TRMT6: variants seen among roughly 807,000 people sequenced by gnomAD.
TRMT6 encodes the protein tRNA (adenine(58)-N(1))-methyltransferase non-catalytic subunit TRM6.
Under a neutral mutation model 59.0 loss-of-function variants are expected in TRMT6, and 34 were observed. The observed-to-expected ratio is 0.58, with a 90% confidence interval of 0.44 to 0.77. The LOEUF (loss-of-function observed/expected upper bound fraction) is 0.77. TRMT6 is among the 30% of genes least tolerant of loss of function. The probability of loss-of-function intolerance (pLI) is 0.00; values close to 1 mark genes in which losing one functional copy is unlikely to be tolerated. For missense variants in TRMT6, 575 were observed against 604.5 expected, an observed-to-expected ratio of 0.95 and a Z score of 0.51; for synonymous variants, 217 against 210.5, an observed-to-expected ratio of 1.03 and a Z score of -0.27.
intron 2 of TRMT6, 37 bp from the exon 3 acceptor site, chr20:5,944,951 T>G (rs1218071279): frequency 6.7e-7 from 1 of 1,494,710 alleles, no homozygotes; most frequent in Non-Finnish European, 9.3e-7. Context: ...ATTTATGGTC[T>G]GAAATTATTT....
intron 1 of TRMT6, among the ~76,000 whole-genome samples, chr20:5,949,644 C>T (rs762728228): frequency 4.6e-5 from 7 of 152,172 alleles, no homozygotes; most frequent in Non-Finnish European, 8.8e-5. Flanking sequence ...AAAGTGATTC[C>T]ACACTCTGTG....
Position 5,938,294 on chromosome 20 carries a change from C to T in TRMT6, c.*241G>A, listed in dbSNP as rs2088624634. ...TATTTGCACAGAATATTTAGAAGTA[C>T]TTAGAGGAGTTTTGTTAAATGCAGT... On this transcript the variant is annotated 3_prime_UTR_variant, in exon 11 of 11. Coordinates refer to ENST00000203001, the MANE Select transcript of TRMT6 (RefSeq NM_015939.5). 2.4e-6 allele frequency: 1 copy of T among 417,294 alleles called. No individual in the cohort carries two copies. The highest frequency in any genetic ancestry group is 7.1e-5 in the South Asian group (1 of 14,104). The allele number at this position is 417,294 out of a possible 1,614,324, so 25.8% of individuals were successfully genotyped here. A position where few individuals can be genotyped will look rare whatever the true frequency, so the allele number is the denominator to read the frequency against.
rs966561517 is a variant in TRMT6, at chr20:5,938,123, G to A, written c.*412C>T. ...ACACATCCATATTGCTTAGGTTGAA[G>A]AGAACGGAATGAACAGAGGAAATTT... On this transcript the variant is annotated 3_prime_UTR_variant, in exon 11 of 11. Transcript: ENST00000203001. 1.3e-5 allele frequency: 2 copies of A among 155,962 alleles called. No individual in the cohort carries two copies. The highest frequency in any genetic ancestry group is 2.8e-5 in the Non-Finnish European group (2 of 70,558). The allele number at this position is 155,962 out of a possible 1,614,324, so 9.7% of individuals were successfully genotyped here. A position where few individuals can be genotyped will look rare whatever the true frequency, so the allele number is the denominator to read the frequency against.
chr20:5,944,169 T>C lies in TRMT6; in HGVS notation c.451A>G (p.Lys151Glu), dbSNP rs778629378. 2.5e-5 allele frequency: 37 copies of C among 1,504,088 alleles called. No homozygotes were observed. The highest frequency in any genetic ancestry group is 3.1e-5 in the Non-Finnish European group (35 of 1,115,288). 93.2% of individuals were successfully genotyped at this position (1,504,088 alleles called of 1,614,324 possible). ...FAQDKYIKKK[K>E]KKYEAIITVV... ...AAAATAAAAACTACTTACTTTTTTT[T>C]CTTCTTTTTAATATATTTATCTTGG... The change falls in exon 4 of 11, where the codon AAA becomes GAA. Residue 151 changes from lysine (K) to glutamate (E), a missense_variant. Lys to Glu is a moderately conservative substitution (Grantham distance 56). Coordinates refer to ENST00000203001, the MANE Select transcript of TRMT6 (RefSeq NM_015939.5).
rs1057432131 is a variant in TRMT6 at position 5,938,535 on chromosome 20, T to C, written c.1494A>G (p.Ter498=). ...AAATTCAGAGCAATTCTCAAAAGGG[T>C]TAAGAGTCAGACTCTGGGCATTTTC... ...KKRKCPESDS[*] The change falls in exon 11 of 11, where the codon TAA becomes TAG. Residue 498 remains the stop codon, a stop_retained_variant. Coordinates refer to ENST00000203001, the MANE Select transcript of TRMT6 (RefSeq NM_015939.5). The C allele has an allele frequency of 1.2e-6, 2 of 1,613,108 alleles. No homozygotes were observed. Among genetic ancestry groups the C allele is most frequent in the Admixed American group, 1.7e-5 (1 of 59,834 alleles).
intron 1 of TRMT6, 81 bp downstream of exon 1, chr20:5,950,197 G>A (rs773856524): frequency 3.5e-5 from 51 of 1,442,102 alleles, no homozygotes; most frequent in South Asian, 1.1e-4. Context: ...CCTGGCGGAA[G>A]AATTCTGTGG....
rs1235119294 is a variant in TRMT6, at chr20:5,938,429, T to C, written c.*106A>G. ...CTTCCTAGAAACGGGTACATAGACA[T>C]GTTCTTATTCTTGGGATATGAAAAA... On this transcript the variant is annotated 3_prime_UTR_variant, in exon 11 of 11. Coordinates refer to ENST00000203001, the MANE Select transcript of TRMT6 (RefSeq NM_015939.5). 5 of 1,173,450 alleles carry C rather than the reference T, an allele frequency of 4.3e-6. No homozygotes were observed. In the African/African-American group the frequency reaches 7.7e-5, roughly 18 times the overall value. 72.7% of individuals were successfully genotyped at this position (1,173,450 alleles called of 1,614,324 possible). A position where few individuals can be genotyped will look rare whatever the true frequency, so the allele number is the denominator to read the frequency against.
At chr20:5,938,984 C>A (rs187772817) in intron 10 of TRMT6, among the ~76,000 whole-genome samples, 4 of 150,344 alleles carry the variant, frequency 2.7e-5, no homozygotes, top group African/African-American at 9.8e-5. Flanking sequence ...GTTCCTCAGG[C>A]TGGAGTGCAG....
intron 1 of TRMT6, among the ~76,000 whole-genome samples, chr20:5,948,437 A>G (rs1204302069): frequency 6.6e-6 from 1 of 152,220 alleles, no homozygotes; most frequent in African/African-American, 2.4e-5. Flanking sequence ...TGAGAGAGTC[A>G]TTTCCTAAAT....
At chr20:5,941,180 G>A in intron 9 of TRMT6, 41 bp from the exon 10 acceptor site, 2 of 1,607,400 alleles carry the variant, frequency 1.2e-6, no homozygotes, top group Non-Finnish European at 8.5e-7. Context: ...CTACTTCCTG[G>A]GATGCAGTTT....
chr20:5,942,469 C>T lies in TRMT6; in HGVS notation c.985G>A (p.Glu329Lys). Residue 329 changes from glutamate (E) to lysine (K), a missense_variant, in exon 7 of 11, where the codon GAA (glutamate) becomes AAA (lysine). Physicochemically the swap from Glu to Lys is moderately conservative, Grantham distance 56. Coordinates refer to ENST00000203001, the MANE Select transcript of TRMT6 (RefSeq NM_015939.5). ...ETMETISQDP[E>K]HKGPKERGSK... ...CCTCTCTCTTTAGGCCCCTTATGTT[C>T]TGGATCTTGAGAAATTGTTTCCATT... 1.2e-6 allele frequency: 2 copies of T among 1,613,968 alleles called. No homozygotes were observed. The highest frequency in any genetic ancestry group is 1.3e-5 in the African/African-American group (1 of 74,982).
intron 6 of TRMT6, 46 bp downstream of exon 6, chr20:5,943,497 TTGGACCACCTTTACTC>T: frequency 6.3e-7 from 1 of 1,590,734 alleles, no homozygotes; most frequent in South Asian, 1.1e-5. Context: ...GTTTACATTT[TTGGACCACCTTTACTC>T]ACATCAGGGT....
chr20:5,938,318 G>A lies in TRMT6; in HGVS notation c.*217C>T, dbSNP rs1358671569. 1 of 463,164 alleles carries A rather than the reference G, an allele frequency of 2.2e-6. No individual in the cohort carries two copies. The highest frequency in any genetic ancestry group is 3.1e-5 in the East Asian group (1 of 32,414). The allele number at this position is 463,164 out of a possible 1,614,324, so 28.7% of individuals were successfully genotyped here. The stretch of plus-strand genomic sequence containing the variant: ...ACTTAGAGGAGTTTTGTTAAATGCA[G>A]TTGGTCATACTACATACCCCATGGT... On this transcript the variant is annotated 3_prime_UTR_variant, in exon 11 of 11. Coordinates refer to ENST00000203001, the MANE Select transcript of TRMT6 (RefSeq NM_015939.5).
intron 2 of TRMT6, among the ~76,000 whole-genome samples, chr20:5,945,582 C>T (rs559432880): frequency 2.0e-5 from 3 of 152,260 alleles, no homozygotes; most frequent in South Asian, 2.1e-4. Context: ...ACATTTTATA[C>T]GACAGTCTAT....
chr20:5,943,082 T>C (rs1373789106), intron 6 of TRMT6, among the ~76,000 whole-genome samples: 1 of 152,230 alleles, frequency 6.6e-6, no homozygotes, highest in Non-Finnish European at 1.5e-5. Context: ...TGACGGACTC[T>C]GCTTCCCCTC....
chr20:5,943,015 C>G (rs1224484010), intron 6 of TRMT6, among the ~76,000 whole-genome samples: 2 of 152,048 alleles, frequency 1.3e-5, no homozygotes, highest in East Asian at 3.9e-4. Flanking sequence ...GAAGCTTATC[C>G]CCACTTGATA....
At chr20:5,941,879 A>C in intron 8 of TRMT6, 72 bp downstream of exon 8, 1 of 1,294,690 alleles carries the variant, frequency 7.7e-7, no homozygotes, top group Non-Finnish European at 1.1e-6. Context: ...ACAAGGAGAA[A>C]GAGAATGCCA....
At chr20:5,946,318 G>A (rs2088705933) in intron 2 of TRMT6, 88 bp downstream of exon 2, 1 of 1,512,646 alleles carries the variant, frequency 6.6e-7, no homozygotes. Flanking sequence ...GGGATAGCAT[G>A]GCCTAGCACT....
intron 8 of TRMT6, 64 bp downstream of exon 8, chr20:5,941,887 C>T: frequency 7.5e-7 from 1 of 1,341,118 alleles, no homozygotes; most frequent in South Asian, 1.2e-5. Context: ...AAAGAGAATG[C>T]CAATCTGTCT....
Sources: allele counts gnomAD v4.1 joint callset (sites outside exome capture counted in the v4.1 genomes callset), GRCh38; gene constraint gnomAD v4.1.1; transcripts MANE v1.5; gene names NCBI Gene and HGNC (gene_info 2026-07-23, HGNC 2026-07-21).